POLR1D: variants seen among roughly 807,000 people sequenced by gnomAD.
The protein encoded by POLR1D is DNA-directed RNA polymerases I and III subunit RPAC2.
In POLR1D, 8 loss-of-function variants were observed where a neutral mutation model predicts 10.8. The ratio of observed to expected loss-of-function variants is 0.74; its 90% CI spans 0.43 to 1.33. POLR1D has a LOEUF of 1.33. Ranked by LOEUF, POLR1D falls within the 40% of genes most tolerant of loss-of-function variation. POLR1D has a pLI of 0.01. For synonymous variants in POLR1D, 54 were observed against 57.2 expected, an observed-to-expected ratio of 0.94 and a Z score of 0.25; for missense variants, 152 against 161.7, an observed-to-expected ratio of 0.94 and a Z score of 0.32.
chr13:27,623,490 T>G (rs1955974925), downstream of POLR1D: 2 of 762,334 alleles, frequency 2.6e-6, no homozygotes, highest in African/African-American at 3.6e-5. Flanking sequence ...CAAATGGTCC[T>G]TGAGGATGAC....
chr13:27,623,963 A>G (rs1955980751), downstream of POLR1D, among the ~76,000 whole-genome samples: 1 of 152,196 alleles, frequency 6.6e-6, no homozygotes, highest in Non-Finnish European at 1.5e-5. Context: ...TGGGATGACT[A>G]GAAAACATTT....
At chr13:27,637,002 C>A (rs913191452) in intron 1 of POLR1D, among the ~76,000 whole-genome samples, 1 of 152,162 alleles carries the variant, frequency 6.6e-6, no homozygotes, top group African/African-American at 2.4e-5. Flanking sequence ...GGCTCTAGAA[C>A]ATGCTTTCAC....
chr13:27,666,149 G>A, exon 3 of POLR1D: 1 of 587,050 alleles, frequency 1.7e-6, no homozygotes. Context: ...TGCAAAGGAG[G>A]ATGTCTTGGC....
At chr13:27,651,779 A>G (rs1956269206) in intron 2 of POLR1D, among the ~76,000 whole-genome samples, 1 of 152,186 alleles carries the variant, frequency 6.6e-6, no homozygotes, top group African/African-American at 2.4e-5. Context: ...TTTGAGAACC[A>G]CTATTATAAG....
chr13:27,652,391 T>G (rs1593290531), intron 2 of POLR1D, among the ~76,000 whole-genome samples: 1 of 152,370 alleles, frequency 6.6e-6, no homozygotes, highest in Middle Eastern at 3.4e-3. Context: ...GGCATTGATG[T>G]ACTCTTTAGG....
chr13:27,635,696 CTATATATA>C (rs3081355), intron 1 of POLR1D, among the ~76,000 whole-genome samples: 17,506 of 140,458 alleles, frequency 0.12, 1,090 homozygotes, highest in South Asian at 0.2. Flanking sequence ...TACAAAGTAA[CTATATATA>C]TATATATATA....
intron 2 of POLR1D, chr13:27,650,104 C>T (rs1956252632): frequency 2.5e-6 from 1 of 398,286 alleles, no homozygotes; most frequent in Non-Finnish European, 4.4e-6. Context: ...ATTAAAGCCA[C>T]TGTTATCCTC....
At chr13:27,624,571 C>T (rs1475704086), downstream of POLR1D, among the ~76,000 whole-genome samples, 2 of 152,024 alleles carry the variant, frequency 1.3e-5, no homozygotes, top group African/African-American at 4.8e-5. Context: ...AGAGTAAGTC[C>T]TGTTCTCATA....
chr13:27,624,102 C>G (rs1955982256), downstream of POLR1D, among the ~76,000 whole-genome samples: 1 of 152,132 alleles, frequency 6.6e-6, no homozygotes. Context: ...TCCCACCCGC[C>G]AGTGCTCTGT....
At chr13:27,646,611 C>T (rs994608823) in intron 1 of POLR1D, among the ~76,000 whole-genome samples, 4 of 152,098 alleles carry the variant, frequency 2.6e-5, no homozygotes, top group Non-Finnish European at 4.4e-5. Context: ...TGTCAAGCTG[C>T]TGAGTTAACT....
chr13:27,649,941 C>T (rs1956251727), intron 2 of POLR1D: 1 of 397,164 alleles, frequency 2.5e-6, no homozygotes, highest in African/African-American at 2.1e-5. Context: ...TATTACCAAC[C>T]ACAAGTTCAG....
downstream of POLR1D, among the ~76,000 whole-genome samples, chr13:27,625,049 A>G (rs1693028145): frequency 6.6e-6 from 1 of 152,184 alleles, no homozygotes; most frequent in South Asian, 2.1e-4. Flanking sequence ...AGAGGAGAGA[A>G]AATGCATTCT....
chr13:27,638,424 T>A (rs189092861), intron 1 of POLR1D, among the ~76,000 whole-genome samples: 73 of 152,340 alleles, frequency 4.8e-4, no homozygotes, highest in African/African-American at 1.7e-3. Flanking sequence ...AAATAGCATT[T>A]TCAAGAGACT....
chr13:27,659,000 T>C (rs960325079), intron 2 of POLR1D, among the ~76,000 whole-genome samples: 36 of 152,234 alleles, frequency 2.4e-4, no homozygotes, highest in African/African-American at 8.4e-4. Flanking sequence ...TCTTGAGTTC[T>C]CTTAACCCAA....
downstream of POLR1D, among the ~76,000 whole-genome samples, chr13:27,623,741 A>G (rs1046772302): frequency 9.8e-5 from 15 of 152,304 alleles, no homozygotes; most frequent in South Asian, 6.2e-4. Context: ...AAAGAATTGC[A>G]TCATTTGCTG....
At chr13:27,661,303 T>C (rs1956361777) in intron 2 of POLR1D, among the ~76,000 whole-genome samples, 1 of 152,232 alleles carries the variant, frequency 6.6e-6, no homozygotes, top group South Asian at 2.1e-4. Context: ...TTAACCAGTC[T>C]CATGATATTT....
At position 27,623,435 on chromosome 13, in the gene POLR1D, C is replaced by T. The variant is rs766457613; in HGVS notation, c.*185C>T. The T allele has an allele frequency of 9.3e-5, 122 of 1,317,962 alleles. No homozygotes were observed. The highest frequency in any genetic ancestry group is 1.2e-4 in the Non-Finnish European group (118 of 1,009,228). The allele number at this position is 1,317,962 out of a possible 1,614,324, so 81.6% of individuals were successfully genotyped here. On this transcript the variant is annotated 3_prime_UTR_variant, in exon 2 of 2. Transcript: ENST00000302979. ...ACCTCTGTATTCTTCTAATAAATTC[C>T]CTCTTTTATTTAAACTAGTTTGACT...
At chr13:27,658,385 G>A (rs1220448358) in intron 2 of POLR1D, among the ~76,000 whole-genome samples, 4 of 152,220 alleles carry the variant, frequency 2.6e-5, no homozygotes, top group African/African-American at 2.4e-5. Context: ...TCAGCCACAA[G>A]AGTCCCAAGA....
rs59385828 is a variant in POLR1D, at chr13:27,645,761, G to T, written c.27-2618G>T. Among the ~76,000 whole-genome samples the T allele has an allele frequency of 3.3e-3, 509 of 152,210 alleles. 2 individuals carry two copies. Among genetic ancestry groups the T allele is most frequent in the African/African-American group, 0.012 (482 of 41,524 alleles). ...CTCCTTTTATGGTCCTCCATCCTTG[G>T]TGAATTTGTTTCACCGCAGGCAGTC... is the stretch of plus-strand genomic sequence containing the variant. On this transcript the variant is annotated intron_variant, in intron 1 of 2. Transcript: ENST00000399697.
Sources: allele counts gnomAD v4.1 joint callset (sites outside exome capture counted in the v4.1 genomes callset), GRCh38; gene constraint gnomAD v4.1.1; transcripts MANE v1.5; gene names NCBI Gene and HGNC (gene_info 2026-07-23, HGNC 2026-07-21).